KIF11: variants seen among roughly 807,000 people sequenced by gnomAD.
The protein encoded by KIF11 is kinesin family member 11.
KIF11 carries 9 observed loss-of-function variants against 121.0 expected under a neutral mutation model. The observed-to-expected ratio is 0.07, with a 90% CI of 0.04 to 0.13. The LOEUF (loss-of-function observed/expected upper bound fraction) is 0.13, where lower values mean the gene tolerates loss of function less well. Among genes scored for constraint, KIF11 ranks in the 10% least tolerant of loss-of-function variants. The pLI is 1.00. For missense variants in KIF11, 846 were observed against 1,217.5 expected, an observed-to-expected ratio of 0.69 and a Z score of 4.54; for synonymous variants, 408 against 421.0, an observed-to-expected ratio of 0.97 and a Z score of 0.38.
intron 9 of KIF11, among the ~76,000 whole-genome samples, chr10:92,618,519 G>A (rs889212297): frequency 6.6e-6 from 1 of 151,422 alleles, no homozygotes; most frequent in Non-Finnish European, 1.5e-5. Context: ...AGTGGCACGT[G>A]CCTGTAATCC....
rs374159901 is a variant in KIF11 at position 92,621,596 on chromosome 10, T to TTGTGTGTGTGTGTGTGTGTGTGTG, written c.1217+138_1217+139insGTGTGTGTGTGTGTGTGTGTGTGT. The TTGTGTGTGTGTGTGTGTGTGTGTG allele has an allele frequency of 0.018, 10,508 of 595,742 alleles. 135 individuals carry two copies. Among genetic ancestry groups the TTGTGTGTGTGTGTGTGTGTGTGTG allele is most frequent in the African/African-American group, 0.044 (2,235 of 51,038 alleles). 36.9% of individuals were successfully genotyped at this position (595,742 alleles called of 1,614,324 possible). ...ATCCAGTGCCGATAAATACTTCATTTTGTGTGTGTGTGTGTTTTCTTTTGA... is the reference window on the plus strand; with the variant it reads ...ATCCAGTGCCGATAAATACTTCATTTTGTGTGTGTGTGTGTGTGTGTGTGTGTGTGTGTGTGTGTTTTCTTTTGA... On this transcript the variant is annotated intron_variant, in intron 10 of 21. Coordinates refer to ENST00000260731, the MANE Select transcript of KIF11 (RefSeq NM_004523.4).
chr10:92,611,590 TTAAA>T (rs1844496940), intron 6 of KIF11, among the ~76,000 whole-genome samples: 1 of 152,108 alleles, frequency 6.6e-6, no homozygotes, highest in South Asian at 2.1e-4. Flanking sequence ...TTTAAATAAT[TTAAA>T]TAATTTTATA....
intron 1 of KIF11, among the ~76,000 whole-genome samples, chr10:92,597,720 T>G (rs1844315819): frequency 6.6e-6 from 1 of 152,096 alleles, no homozygotes; most frequent in Admixed American, 6.6e-5. Flanking sequence ...GGTACGATCT[T>G]GGCTTACTGC....
chr10:92,637,184 A>C lies in KIF11; in HGVS notation c.1876A>C (p.Asn626His). The C allele has an allele frequency of 1.9e-6, 3 of 1,579,182 alleles. No homozygotes were observed. The highest frequency in any genetic ancestry group is 2.6e-6 in the Non-Finnish European group (3 of 1,170,446). Reference sequence around the variant, plus strand: ...CCTATTTGTTTATTTCTGAAACCAGAATGTACTCAAGACTGATCTTCTAAG... The same window carrying C: ...CCTATTTGTTTATTTCTGAAACCAGCATGTACTCAAGACTGATCTTCTAAG... ...ESKTVLQELI[N>H]VLKTDLLSSL... The change falls in exon 15 of 22, where the codon AAT (asparagine) becomes CAT (histidine). Residue 626 changes from asparagine (N) to histidine (H), a missense_variant and splice_region_variant. Asn to His is a moderately conservative substitution (Grantham distance 68). Around this residue, in one of 5 missense-constraint regions of KIF11, gnomAD observed 492 missense variants for 603.4 expected, o/e 0.82. Transcript: ENST00000260731.
intron 18 of KIF11, among the ~76,000 whole-genome samples, chr10:92,647,604 C>T (rs1256157492): frequency 6.6e-6 from 1 of 152,100 alleles, no homozygotes. Flanking sequence ...TGATAGTGGT[C>T]TTAAAGTGCT....
chr10:92,625,964 G>A (rs575270298), intron 10 of KIF11, among the ~76,000 whole-genome samples: 2 of 152,228 alleles, frequency 1.3e-5, no homozygotes, highest in Admixed American at 1.3e-4. Context: ...CATGCTCATG[G>A]ATAAGAAGAA....
intron 9 of KIF11, among the ~76,000 whole-genome samples, chr10:92,617,955 G>A (rs1333177362): frequency 6.6e-6 from 1 of 152,082 alleles, no homozygotes; most frequent in Non-Finnish European, 1.5e-5. Context: ...GGCCAGGCTG[G>A]TCTTGAACTC....
At chr10:92,618,995 G>A (rs1206460918) in intron 9 of KIF11, among the ~76,000 whole-genome samples, 1 of 151,646 alleles carries the variant, frequency 6.6e-6, no homozygotes, top group Non-Finnish European at 1.5e-5. Context: ...TTATGTAAAC[G>A]TTTGAGATTG....
chr10:92,600,925 A>G (rs1589587226), intron 1 of KIF11, among the ~76,000 whole-genome samples: 1 of 151,462 alleles, frequency 6.6e-6, no homozygotes, highest in African/African-American at 2.4e-5. Flanking sequence ...CGGTGGCGCC[A>G]TCTCTGCTTA....
chr10:92,613,653 AGCTG>A lies in KIF11; in HGVS notation c.1032+35_1032+38del, dbSNP rs769886163. On this transcript the variant is annotated intron_variant, in intron 8 of 21. Transcript: ENST00000260731. The surrounding 1 kb of genome is among the most constrained non-coding windows in gnomAD (Gnocchi z 4.2). Reference sequence around the variant, plus strand: ...TTTGAAAGGAAGCTGCAAGTGTAGTAGCTGTAATTCTTATTTGGCTATTATATAT... The same window carrying A: ...TTTGAAAGGAAGCTGCAAGTGTAGTATAATTCTTATTTGGCTATTATATAT... 1 of 1,573,836 alleles carries A rather than the reference AGCTG, an allele frequency of 6.4e-7. No individual in the cohort carries two copies. Among genetic ancestry groups the A allele is most frequent in the Non-Finnish European group, 8.6e-7 (1 of 1,160,798 alleles).
intron 17 of KIF11, among the ~76,000 whole-genome samples, chr10:92,641,022 G>A (rs1267654804): frequency 9.2e-5 from 14 of 152,168 alleles, no homozygotes; most frequent in African/African-American, 3.1e-4. Context: ...TGCTGGGATT[G>A]CAGGTGTGAG....
chr10:92,654,344 T>C lies in KIF11; in HGVS notation c.*548T>C, dbSNP rs746075470. 2.0e-5 allele frequency: 3 copies of C among 152,350 alleles called. No homozygotes were observed. The highest frequency in any genetic ancestry group is 4.4e-5 in the Non-Finnish European group (3 of 68,120). The allele number at this position is 152,350 out of a possible 1,614,324, so 9.4% of individuals were successfully genotyped here. On this transcript the variant is annotated 3_prime_UTR_variant, in exon 22 of 22. Transcript: ENST00000260731. ...GTTTTCATATAAAGTAGTTCTTTTA[T>C]AACAAATGAAAAGTATTTTTCTTGT... is the stretch of plus-strand genomic sequence containing the variant.
rs956529531 is a variant in KIF11, at chr10:92,632,424, T to C, written c.1495-62T>C. On this transcript the variant is annotated intron_variant, in intron 12 of 21. Coordinates refer to ENST00000260731, the MANE Select transcript of KIF11 (RefSeq NM_004523.4). ...TTATCAAGATAAATCCTTGTGTAGATACTTTCATCAGATTCCTTTCACCGT... is the reference window on the plus strand; with the variant it reads ...TTATCAAGATAAATCCTTGTGTAGACACTTTCATCAGATTCCTTTCACCGT... The C allele has an allele frequency of 1.9e-5, 20 of 1,069,674 alleles. No homozygotes were observed. The East Asian group carries it at 4.3e-4, about 23-fold the overall frequency. The allele number at this position is 1,069,674 out of a possible 1,614,324, so 66.3% of individuals were successfully genotyped here. A position where few individuals can be genotyped will look rare whatever the true frequency, so the allele number is the denominator to read the frequency against.
rs887857552 is a variant in KIF11, at chr10:92,637,398, A to T, written c.2013A>T (p.Gln671His). 2 of 1,578,362 alleles carry T rather than the reference A, an allele frequency of 1.3e-6. No individual in the cohort carries two copies. Among genetic ancestry groups the T allele is most frequent in the African/African-American group, 2.8e-5 (2 of 72,164 alleles). ...SLTVADKIED[Q>H]KKELDGFLSI... is the part of the protein sequence containing the mutation. ...TTGTTTCTTCAAAGATAGAAGATCA[A>T]AAAAAGGAACTAGATGGCTTTCTCA... Residue 671 changes from glutamine (Q) to histidine (H), a missense_variant, in exon 16 of 22, where the codon CAA becomes CAT. Physicochemically the swap from Gln to His is conservative, Grantham distance 24 (BLOSUM62 0). Coordinates refer to ENST00000260731, the MANE Select transcript of KIF11 (RefSeq NM_004523.4).
intron 20 of KIF11, 124 bp downstream of exon 20, chr10:92,650,110 C>G: frequency 1.4e-6 from 1 of 700,980 alleles, no homozygotes; most frequent in Non-Finnish European, 2.4e-6. Flanking sequence ...AATGATAGGC[C>G]TAGCCCTTAG....
chr10:92,646,204 G>A (rs181165490), intron 18 of KIF11, among the ~76,000 whole-genome samples: 246 of 151,948 alleles, frequency 1.6e-3, no homozygotes, highest in Non-Finnish European at 2.9e-3. Context: ...CACCCGCCTC[G>A]GCCTCCCAAA....
In KIF11 at chr10:92,655,276, T is replaced by C. The variant is rs894689100; in HGVS notation, c.*1480T>C. The C allele has an allele frequency of 2.2e-4, 33 of 152,320 alleles. No individual in the cohort carries two copies. Among genetic ancestry groups the C allele is most frequent in the African/African-American group, 7.9e-4 (33 of 41,546 alleles). The allele number at this position is 152,320 out of a possible 1,614,324, so 9.4% of individuals were successfully genotyped here. The stretch of plus-strand genomic sequence containing the variant: ...AAACTAAATTGATCTCGTAGAATTA[T>C]CTTAATAAAATAATGGCTATAATTT... On this transcript the variant is annotated 3_prime_UTR_variant, in exon 22 of 22. Transcript: ENST00000260731.
rs1277864122 is a variant in KIF11 at position 92,613,265 on chromosome 10, C to T, written c.790-112C>T. On this transcript the variant is annotated intron_variant, in intron 7 of 21. Coordinates refer to ENST00000260731, the MANE Select transcript of KIF11 (RefSeq NM_004523.4). This position sits in a 1 kb window ranked among gnomAD's most constrained non-coding sequence, Gnocchi z 4.2. ...AGTGGGAGAAGAAATTTGTTAATTA[C>T]AGAAAAAATTATTTTGCTGGCGATT... 11 of 1,090,850 alleles carry T rather than the reference C, an allele frequency of 1.0e-5. No individual in the cohort carries two copies. Among genetic ancestry groups the T allele is most frequent in the Non-Finnish European group, 1.2e-5 (9 of 768,788 alleles). The allele number at this position is 1,090,850 out of a possible 1,614,324, so 67.6% of individuals were successfully genotyped here. A position where few individuals can be genotyped will look rare whatever the true frequency, so the allele number is the denominator to read the frequency against.
chr10:92,594,179 G>GT (rs1444312101), intron 1 of KIF11, among the ~76,000 whole-genome samples: 4 of 152,220 alleles, frequency 2.6e-5, no homozygotes, highest in African/African-American at 9.6e-5. Flanking sequence ...TACTGAGTAT[G>GT]TGTGTTTTGT....
Sources: allele counts gnomAD v4.1 joint callset (sites outside exome capture counted in the v4.1 genomes callset), GRCh38; gene constraint gnomAD v4.1.1; regional missense constraint gnomAD v4.1.1; non-coding constraint Gnocchi (gnomAD v3.1); transcripts MANE v1.5; gene names NCBI Gene and HGNC (gene_info 2026-07-23, HGNC 2026-07-21).